The following WDR27 variants were observed in gnomAD, a reference collection of about 807,000 sequenced individuals.
WDR27 encodes the protein WD repeat-containing protein 27.
A neutral mutation model predicts 114.4 loss-of-function variants in WDR27; 100 were observed. The observed-to-expected ratio is 0.87, with a 90% CI of 0.74 to 1.03. WDR27 has a LOEUF of 1.03. WDR27 is among the 50% of genes least tolerant of loss of function. The pLI is 0.00. For synonymous variants in WDR27, 449 were observed against 423.1 expected (o/e 1.06, Z -0.75); for missense variants, 1,129 against 1,092.9 (o/e 1.03, Z -0.47).
intron 21 of WDR27, among the ~76,000 whole-genome samples, chr6:169,624,780 A>G (rs894101446): frequency 6.6e-6 from 1 of 152,142 alleles, no homozygotes; most frequent in East Asian, 1.9e-4. Context: ...TGCCTGGCCC[A>G]TGAGACACGT....
In WDR27 at chr6:169,649,861, T is replaced by C. The variant is rs190200831; in HGVS notation, c.1482-586A>G. Among the ~76,000 whole-genome samples, 34 of 139,442 alleles carry C rather than the reference T, an allele frequency of 2.4e-4. No individual in the cohort carries two copies. The East Asian group carries it at 7.9e-3, about 32-fold the overall frequency. 91.5% of individuals were successfully genotyped at this position (139,442 alleles called of 152,430 possible). On this transcript the variant is annotated intron_variant, in intron 14 of 25. Coordinates refer to ENST00000448612, the MANE Select transcript of WDR27 (RefSeq NM_182552.5). ...TCTCTCCATCCATCCCCCCCATCAA[T>C]TGAGCCACTCATCCATATCTCATCT...
chr6:169,459,538 T>C (rs1481668015), intron 25 of WDR27, among the ~76,000 whole-genome samples: 1 of 151,526 alleles, frequency 6.6e-6, no homozygotes, highest in Non-Finnish European at 1.5e-5. Context: ...TAAATGTATA[T>C]ATATACATTT....
At chr6:169,439,106 A>G in the WDR27 span, among the ~76,000 whole-genome samples, 1 of 152,226 alleles carries the variant, frequency 6.6e-6, no homozygotes, top group Non-Finnish European at 1.5e-5. Context: ...CCAAAAAAAC[A>G]TCAAACGATG....
Position 169,634,505 on chromosome 6 carries a change from G to T in WDR27, c.2024C>A (p.Ser675Tyr). 1 of 1,612,012 alleles carries T rather than the reference G, an allele frequency of 6.2e-7. No homozygotes were observed. The highest frequency in any genetic ancestry group is 8.5e-7 in the Non-Finnish European group (1 of 1,179,074). The change falls in exon 20 of 26, where the codon TCC (serine) becomes TAC (tyrosine). Residue 675 changes from serine (S) to tyrosine (Y), a missense_variant. Ser to Tyr is a moderately radical substitution (Grantham distance 144). Coordinates refer to ENST00000448612, the MANE Select transcript of WDR27 (RefSeq NM_182552.5). ...CGTGGAGAGCCTGCAAATCAGCTTG[G>T]ACTTGCTCTTCTGTTTATATCTGGA... ...EIKRYKQKSK[S>Y]KLICRLSTTG...
intron 23 of WDR27, among the ~76,000 whole-genome samples, chr6:169,597,118 T>G (rs1806950006): frequency 6.6e-6 from 1 of 152,162 alleles, no homozygotes; most frequent in Non-Finnish European, 1.5e-5. Context: ...TCATTTCCCA[T>G]CCTGCTACTT....
At chr6:169,604,766 T>G (rs1443617271) in intron 22 of WDR27, among the ~76,000 whole-genome samples, 1 of 152,258 alleles carries the variant, frequency 6.6e-6, no homozygotes, top group East Asian at 1.9e-4. Context: ...GTGGGTTTTA[T>G]ACCAGGGATG....
At chr6:169,505,947 C>T (rs1351123777) in intron 25 of WDR27, among the ~76,000 whole-genome samples, 2 of 152,212 alleles carry the variant, frequency 1.3e-5, no homozygotes, top group Non-Finnish European at 2.9e-5. Context: ...TGCCCACATG[C>T]ACCACTTCAG....
intron 25 of WDR27, among the ~76,000 whole-genome samples, chr6:169,462,766 A>G (rs775938888): frequency 3.3e-5 from 5 of 152,236 alleles, no homozygotes; most frequent in Non-Finnish European, 5.9e-5. Flanking sequence ...ATTATGCATC[A>G]AGACAAATTG....
At chr6:169,550,595 A>G (rs1297126476) in intron 25 of WDR27, among the ~76,000 whole-genome samples, 6 of 151,552 alleles carry the variant, frequency 4.0e-5, no homozygotes, top group Non-Finnish European at 5.9e-5. Context: ...TAGTTTTTGT[A>G]TTTTTAGTAG....
At chr6:169,489,908 C>T (rs990433815) in intron 25 of WDR27, among the ~76,000 whole-genome samples, 5 of 152,178 alleles carry the variant, frequency 3.3e-5, no homozygotes, top group African/African-American at 1.2e-4. Context: ...TTCTGGCTTC[C>T]TCCCTGTGAG....
intron 23 of WDR27, among the ~76,000 whole-genome samples, chr6:169,583,486 TACA>T (rs1803901921): frequency 7.3e-6 from 1 of 136,328 alleles, no homozygotes; most frequent in African/African-American, 2.9e-5. Flanking sequence ...TGTGTATATA[TACA>T]TATATATATA....
chr6:169,463,954 A>G (rs1027057878), intron 25 of WDR27, among the ~76,000 whole-genome samples: 5 of 152,346 alleles, frequency 3.3e-5, no homozygotes, highest in African/African-American at 7.2e-5. Context: ...TAAAAAGTCT[A>G]TATTACCCAC....
At chr6:169,654,066 CA>C (rs1206459142) in intron 13 of WDR27, among the ~76,000 whole-genome samples, 1 of 152,148 alleles carries the variant, frequency 6.6e-6, no homozygotes, top group Non-Finnish European at 1.5e-5. Context: ...AAAACAAATA[CA>C]AAAACAAACA....
chr6:169,694,259 C>A (rs1017185025), intron 1 of WDR27, among the ~76,000 whole-genome samples: 3 of 152,032 alleles, frequency 2.0e-5, no homozygotes, highest in Non-Finnish European at 4.4e-5. Context: ...TGCAGTGAGC[C>A]GAGATTGCGC....
intron 23 of WDR27, among the ~76,000 whole-genome samples, chr6:169,594,542 A>G (rs944970993): frequency 6.6e-6 from 1 of 152,150 alleles, no homozygotes; most frequent in Non-Finnish European, 1.5e-5. Context: ...ATGTGTGGCT[A>G]CTTATTATTT....
rs74596659 is a variant in WDR27 at position 169,577,876 on chromosome 6, G to A, written c.2523+4960C>T. Among the ~76,000 whole-genome samples the A allele has an allele frequency of 1.9e-3, 293 of 152,250 alleles. 4 individuals are homozygous for A. The East Asian group carries it at 0.032, about 17-fold the overall frequency. On this transcript the variant is annotated intron_variant, in intron 24 of 25. Coordinates refer to ENST00000448612, the MANE Select transcript of WDR27 (RefSeq NM_182552.5). ...CCCTCCAACTCTTACCCCATTCTCA[G>A]GCCTTTGGACTCAGGCTGGCACAAG...
At chr6:169,635,187 G>A (rs1817371683) in intron 19 of WDR27, among the ~76,000 whole-genome samples, 1 of 151,106 alleles carries the variant, frequency 6.6e-6, no homozygotes, top group East Asian at 2.0e-4. Context: ...CCAACATAGT[G>A]CAACCCCGTC....
intron 24 of WDR27, among the ~76,000 whole-genome samples, chr6:169,575,241 T>TCCAA (rs1802066626): frequency 6.8e-6 from 1 of 146,270 alleles, no homozygotes; most frequent in Non-Finnish European, 1.5e-5. Context: ...TCCCTCTCTA[T>TCCAA]CCATCCATCC....
chr6:169,609,373 G>A (rs551682741), intron 22 of WDR27, among the ~76,000 whole-genome samples: 50 of 152,316 alleles, frequency 3.3e-4, no homozygotes, highest in African/African-American at 1.1e-3. Context: ...AAACATCTGC[G>A]TGGGCATCCA....
Sources: allele counts gnomAD v4.1 joint callset (sites outside exome capture counted in the v4.1 genomes callset), GRCh38; gene constraint gnomAD v4.1.1; transcripts MANE v1.5; gene names NCBI Gene and HGNC (gene_info 2026-07-23, HGNC 2026-07-21).